Variants in GPC5 observed in about 807,000 individuals in gnomAD.
GPC5 encodes glypican-5.
A neutral mutation model predicts 53.9 loss-of-function variants in GPC5; 47 were observed. The observed-to-expected ratio is 0.87, with a 90% CI of 0.69 to 1.11. The LOEUF (loss-of-function observed/expected upper bound fraction) is 1.11, where lower values mean the gene tolerates loss of function less well. Among genes scored for constraint, GPC5 ranks in the 50% most tolerant of loss-of-function variants. The probability of loss-of-function intolerance (pLI) is 0.00; values close to 1 mark genes in which losing one functional copy is unlikely to be tolerated. For synonymous variants in GPC5, 286 were observed against 263.3 expected, an observed-to-expected ratio of 1.09 and a Z score of -0.84; for missense variants, 748 against 713.1, an observed-to-expected ratio of 1.05 and a Z score of -0.56.
intron 1 of GPC5, among the ~76,000 whole-genome samples, chr13:91,442,728 G>A (rs1424715516): frequency 6.6e-6 from 1 of 152,280 alleles, no homozygotes; most frequent in Admixed American, 6.5e-5. Flanking sequence ...TCGGCAAGAC[G>A]TTAGTTGGTA....
At chr13:91,872,073 C>T (rs945715853) in intron 5 of GPC5, among the ~76,000 whole-genome samples, 3 of 151,932 alleles carry the variant, frequency 2.0e-5, no homozygotes, top group African/African-American at 7.3e-5. Context: ...TGGATGGAGT[C>T]CCTCATCTCT....
At chr13:92,251,097 A>G (rs1260217850) in intron 7 of GPC5, among the ~76,000 whole-genome samples, 2 of 152,120 alleles carry the variant, frequency 1.3e-5, no homozygotes, top group Non-Finnish European at 2.9e-5. Flanking sequence ...ACAAAGTATC[A>G]ATTAAATTAC....
At chr13:92,789,376 T>G (rs9561154) in intron 7 of GPC5, among the ~76,000 whole-genome samples, 19,221 of 152,086 alleles carry the variant, frequency 0.13, 2,475 homozygotes, top group East Asian at 0.66. Flanking sequence ...ACAGGTAAAA[T>G]GTAGGTCAAA....
chr13:92,434,397 T>C (rs1877219087), intron 7 of GPC5, among the ~76,000 whole-genome samples: 1 of 152,166 alleles, frequency 6.6e-6, no homozygotes, highest in Non-Finnish European at 1.5e-5. Context: ...ATAGAATGTT[T>C]TTTTCTTCAG....
chr13:91,716,608 T>A (rs1485957238), intron 3 of GPC5, among the ~76,000 whole-genome samples: 3 of 152,230 alleles, frequency 2.0e-5, no homozygotes, highest in African/African-American at 4.8e-5. Context: ...TTTTCAAATA[T>A]TCTGCATAAT....
At chr13:91,832,383 T>G (rs2038672183) in intron 5 of GPC5, among the ~76,000 whole-genome samples, 1 of 151,336 alleles carries the variant, frequency 6.6e-6, no homozygotes, top group Admixed American at 6.6e-5. Flanking sequence ...TGTTTTTGCA[T>G]GTGAGATGGG....
chr13:92,012,760 T>C (rs1268543090), intron 6 of GPC5, among the ~76,000 whole-genome samples: 2 of 152,256 alleles, frequency 1.3e-5, no homozygotes, highest in South Asian at 4.1e-4. Context: ...TACATTTTAT[T>C]ATAAAATAAC....
At chr13:91,952,752 G>C (rs1315185803) in intron 6 of GPC5, among the ~76,000 whole-genome samples, 3 of 152,082 alleles carry the variant, frequency 2.0e-5, no homozygotes, top group African/African-American at 7.2e-5. Context: ...TACGTAGTTT[G>C]ATAATCCCTG....
intron 3 of GPC5, among the ~76,000 whole-genome samples, chr13:91,707,269 A>T (rs1462714661): frequency 6.6e-6 from 1 of 152,164 alleles, no homozygotes; most frequent in Non-Finnish European, 1.5e-5. Context: ...GTGGCATATA[A>T]ATCAAAACCA....
chr13:91,676,987 G>A (rs1166580392), intron 2 of GPC5, among the ~76,000 whole-genome samples: 2 of 152,186 alleles, frequency 1.3e-5, no homozygotes, highest in Admixed American at 1.3e-4. Context: ...CAGCTTGCAT[G>A]CTCATGCTGT....
intron 6 of GPC5, among the ~76,000 whole-genome samples, chr13:92,053,733 A>T (rs2041049968): frequency 6.6e-6 from 1 of 151,986 alleles, no homozygotes; most frequent in Non-Finnish European, 1.5e-5. Flanking sequence ...TTATGGAATT[A>T]AAAAATAGAT....
intron 6 of GPC5, among the ~76,000 whole-genome samples, chr13:92,015,443 C>A (rs1321842868): frequency 1.3e-5 from 2 of 152,070 alleles, no homozygotes; most frequent in African/African-American, 4.8e-5. Context: ...TGCATATCTT[C>A]CACCCAGGTC....
chr13:92,109,865 T>C (rs1470150064), intron 6 of GPC5, among the ~76,000 whole-genome samples: 2 of 152,222 alleles, frequency 1.3e-5, no homozygotes, highest in Non-Finnish European at 2.9e-5. Flanking sequence ...AGATAGTGTA[T>C]GTGGCTTATA....
chr13:92,657,594 T>G (rs1043643077), intron 7 of GPC5, among the ~76,000 whole-genome samples: 23 of 149,176 alleles, frequency 1.5e-4, no homozygotes, highest in Non-Finnish European at 3.0e-4. Flanking sequence ...TTTTTTTTTT[T>G]TTTTTTTTTT....
Position 91,729,537 on chromosome 13 carries a change from T to C in GPC5, c.1154+872T>C, listed in dbSNP as rs931358580. On this transcript the variant is annotated intron_variant, in intron 4 of 7. Transcript: ENST00000377067. Reference sequence around the variant, plus strand: ...TATTTCACATAAGCTTTCTATAATCTAAAATCTGTTTCTTTCTTTTTTGGG... The same window carrying C: ...TATTTCACATAAGCTTTCTATAATCCAAAATCTGTTTCTTTCTTTTTTGGG... Among the ~76,000 whole-genome samples the C allele has an allele frequency of 4.6e-5, 7 of 152,324 alleles. No individual in the cohort carries two copies. The East Asian group carries it at 5.8e-4, about 13-fold the overall frequency.
At position 92,707,124 on chromosome 13, in the gene GPC5, C is replaced by T. The variant is rs566645224; in HGVS notation, c.1562-159158C>T. Among the ~76,000 whole-genome samples, 5 of 146,926 alleles carry T rather than the reference C, an allele frequency of 3.4e-5. No individual in the cohort carries two copies. The East Asian group carries it at 9.8e-4, about 29-fold the overall frequency. ...CTATATGACATACATGGCTGCTGTT[C>T]AAGCAGCCTCCAGAACTATATGACA... is the stretch of plus-strand genomic sequence containing the variant. On this transcript the variant is annotated intron_variant, in intron 7 of 7. Coordinates refer to ENST00000377067, the MANE Select transcript of GPC5 (RefSeq NM_004466.6).
At chr13:92,662,070 A>C (rs548983571) in intron 7 of GPC5, among the ~76,000 whole-genome samples, 1 of 152,254 alleles carries the variant, frequency 6.6e-6, no homozygotes, top group African/African-American at 2.4e-5. Context: ...TGTCTGCTAT[A>C]CATATATTTG....
At chr13:92,251,121 G>A (rs760155766) in intron 7 of GPC5, among the ~76,000 whole-genome samples, 20 of 152,026 alleles carry the variant, frequency 1.3e-4, no homozygotes, top group Non-Finnish European at 2.6e-4. Flanking sequence ...CCCACATAAA[G>A]CTCCAGAAAA....
At chr13:92,468,083 T>C (rs9561056) in intron 7 of GPC5, among the ~76,000 whole-genome samples, 55,473 of 151,950 alleles carry the variant, frequency 0.37, 10,977 homozygotes, top group Middle Eastern at 0.5. Flanking sequence ...CTAAGTGTTT[T>C]TGAGCTAACA....
Sources: allele counts gnomAD v4.1 joint callset (sites outside exome capture counted in the v4.1 genomes callset), GRCh38; gene constraint gnomAD v4.1.1; transcripts MANE v1.5; gene names NCBI Gene and HGNC (gene_info 2026-07-23, HGNC 2026-07-21).